The following MAGI2 variants were observed in gnomAD, a reference collection of about 807,000 sequenced individuals.
The protein encoded by MAGI2 is membrane-associated guanylate kinase, WW and PDZ domain-containing protein 2.
A neutral mutation model predicts 133.3 loss-of-function variants in MAGI2; 35 were observed. The ratio of observed to expected loss-of-function variants is 0.26; its 90% CI spans 0.20 to 0.35. The LOEUF is 0.35. Ranked by LOEUF, MAGI2 falls within the 10% of genes least tolerant of loss-of-function variation. The pLI, the probability that MAGI2 is intolerant of heterozygous loss-of-function variation, is 1.00. For missense variants in MAGI2, 1,636 were observed against 1,863.4 expected (o/e 0.88, Z 2.25); for synonymous variants, 729 against 710.6 (o/e 1.03, Z -0.41).
chr7:78,529,151 C>T (rs1262342691), intron 3 of MAGI2, among the ~76,000 whole-genome samples: 1 of 152,148 alleles, frequency 6.6e-6, no homozygotes, highest in African/African-American at 2.4e-5. Context: ...GAAAGTCATG[C>T]AGATAGTTAA....
chr7:78,624,466 A>G (rs574447931), intron 3 of MAGI2, among the ~76,000 whole-genome samples: 1 of 152,286 alleles, frequency 6.6e-6, no homozygotes, highest in South Asian at 2.1e-4. Context: ...CTATGCAGCC[A>G]TAAAGAGAAA....
At chr7:78,789,527 T>G (rs1827099281) in intron 2 of MAGI2, among the ~76,000 whole-genome samples, 1 of 131,884 alleles carries the variant, frequency 7.6e-6, no homozygotes, top group Non-Finnish European at 1.7e-5. Context: ...CTTCTCATTT[T>G]TATTTTTTTC....
chr7:78,576,009 C>G (rs1802229539), intron 3 of MAGI2, among the ~76,000 whole-genome samples: 1 of 151,988 alleles, frequency 6.6e-6, no homozygotes, highest in African/African-American at 2.4e-5. Flanking sequence ...GAAAGTTAAA[C>G]ATAAACTCTC....
chr7:79,036,007 G>T (rs1239318085), intron 1 of MAGI2, among the ~76,000 whole-genome samples: 1 of 152,138 alleles, frequency 6.6e-6, no homozygotes, highest in Non-Finnish European at 1.5e-5. Context: ...ATAACATACA[G>T]ATATGCGCAA....
At chr7:78,259,864 T>C (rs1479467277) in intron 9 of MAGI2, among the ~76,000 whole-genome samples, 1 of 152,192 alleles carries the variant, frequency 6.6e-6, no homozygotes, top group Non-Finnish European at 1.5e-5. Context: ...TGATTAATGT[T>C]ACCTATTTTT....
At chr7:79,122,587 A>T (rs1820001566) in intron 1 of MAGI2, among the ~76,000 whole-genome samples, 1 of 152,176 alleles carries the variant, frequency 6.6e-6, no homozygotes, top group Non-Finnish European at 1.5e-5. Context: ...TCTGGAGTTG[A>T]TACAACTTTG....
At chr7:78,438,808 C>T (rs746169445) in intron 6 of MAGI2, among the ~76,000 whole-genome samples, 29 of 152,200 alleles carry the variant, frequency 1.9e-4, no homozygotes, top group African/African-American at 6.5e-4. Context: ...TTTTCATGGG[C>T]GCACAATACA....
chr7:79,226,944 T>G (rs1436245507), intron 1 of MAGI2, among the ~76,000 whole-genome samples: 1 of 152,214 alleles, frequency 6.6e-6, no homozygotes, highest in Non-Finnish European at 1.5e-5. Context: ...TTATTTTGTT[T>G]TTAAATCTCT....
At chr7:78,680,365 G>T (rs1397105552) in intron 2 of MAGI2, among the ~76,000 whole-genome samples, 1 of 152,080 alleles carries the variant, frequency 6.6e-6, no homozygotes, top group Admixed American at 6.6e-5. Flanking sequence ...TGAATGCTAG[G>T]GTTCCTTAGG....
chr7:78,219,357 A>G (rs1453115963), intron 10 of MAGI2, among the ~76,000 whole-genome samples: 1 of 152,180 alleles, frequency 6.6e-6, no homozygotes, highest in African/African-American at 2.4e-5. Flanking sequence ...TTGAATGGCT[A>G]CTGCAGGCCC....
At chr7:78,570,109 G>A (rs914628761) in intron 3 of MAGI2, among the ~76,000 whole-genome samples, 8 of 152,064 alleles carry the variant, frequency 5.3e-5, no homozygotes, top group African/African-American at 7.2e-5. Context: ...TCTTGTACAC[G>A]TCCTTTGGTG....
At chr7:78,263,470 G>C (rs1793709523) in intron 9 of MAGI2, among the ~76,000 whole-genome samples, 1 of 152,130 alleles carries the variant, frequency 6.6e-6, no homozygotes, top group Non-Finnish European at 1.5e-5. Context: ...TGATGTCACA[G>C]AGGGAATGAC....
chr7:79,451,889 A>G (rs1324985013), intron 1 of MAGI2, among the ~76,000 whole-genome samples: 1 of 152,226 alleles, frequency 6.6e-6, no homozygotes, highest in African/African-American at 2.4e-5. Flanking sequence ...GAAAACAGAA[A>G]AGAAAAAAGC....
chr7:78,368,037 C>T (rs1398456964), intron 7 of MAGI2, among the ~76,000 whole-genome samples: 3 of 152,108 alleles, frequency 2.0e-5, no homozygotes, highest in Non-Finnish European at 4.4e-5. Context: ...GGAAAATGAG[C>T]TGAATTCACC....
chr7:78,663,592 T>A (rs1396052664), intron 2 of MAGI2, among the ~76,000 whole-genome samples: 1 of 152,186 alleles, frequency 6.6e-6, no homozygotes. Context: ...GACCACAAAC[T>A]ATTTTCTAAT....
intron 1 of MAGI2, among the ~76,000 whole-genome samples, chr7:79,395,449 G>A (rs918768410): frequency 1.3e-5 from 2 of 152,090 alleles, no homozygotes; most frequent in Non-Finnish European, 2.9e-5. Flanking sequence ...TCATCATCCC[G>A]TAACGTGATA....
At chr7:78,215,430 G>A (rs189265326) in intron 10 of MAGI2, among the ~76,000 whole-genome samples, 167 of 152,288 alleles carry the variant, frequency 1.1e-3, no homozygotes, top group Middle Eastern at 0.01. Context: ...CTGTGGACTT[G>A]GGTCAGCTGA....
At chr7:78,513,828 T>G (rs1175389932) in intron 4 of MAGI2, among the ~76,000 whole-genome samples, 1 of 151,862 alleles carries the variant, frequency 6.6e-6, no homozygotes, top group Non-Finnish European at 1.5e-5. Flanking sequence ...GTGGCTCACG[T>G]CTGTAATCCC....
At chr7:78,537,106 A>G (rs1158376734) in intron 3 of MAGI2, among the ~76,000 whole-genome samples, 2 of 150,714 alleles carry the variant, frequency 1.3e-5, no homozygotes, top group South Asian at 2.1e-4. Context: ...ATGGTCTCCA[A>G]CTCCATCCAG....
Sources: allele counts gnomAD v4.1 joint callset (sites outside exome capture counted in the v4.1 genomes callset), GRCh38; gene constraint gnomAD v4.1.1; transcripts MANE v1.5; gene names NCBI Gene and HGNC (gene_info 2026-07-23, HGNC 2026-07-21).